The following PPFIBP1 variants were observed in gnomAD, a reference collection of about 807,000 sequenced individuals.
The protein encoded by PPFIBP1 is liprin-beta-1.
In PPFIBP1, 112 loss-of-function variants were observed where a neutral mutation model predicts 137.8. The ratio of observed to expected loss-of-function variants is 0.81; its 90% CI spans 0.70 to 0.95. PPFIBP1 has a LOEUF of 0.95. Among genes scored for constraint, PPFIBP1 ranks in the 40% least tolerant of loss-of-function variants. The probability of loss-of-function intolerance (pLI) is 0.00; values close to 1 mark genes in which losing one functional copy is unlikely to be tolerated. For missense variants in PPFIBP1, 1,083 were observed against 1,196.6 expected, an observed-to-expected ratio of 0.91 and a Z score of 1.40; for synonymous variants, 378 against 417.3, an observed-to-expected ratio of 0.91 and a Z score of 1.15.
Position 27,588,381 on chromosome 12 carries a change from A to G in PPFIBP1, c.-36+10142A>G, listed in dbSNP as rs1192995793. 2.0e-5 allele frequency among the ~76,000 whole-genome samples: 3 copies of G among 152,216 alleles called. No homozygotes were observed. In the East Asian group the frequency reaches 5.8e-4, roughly 29 times the overall value. On this transcript the variant is annotated intron_variant, in intron 2 of 29. Coordinates refer to ENST00000228425, the MANE Select transcript of PPFIBP1 (RefSeq NM_003622.4). ...ATCAATTATTAAGTTGCTGGTTGCA[A>G]TATGGTACTAACTTGATCTCTAAAG... is the stretch of plus-strand genomic sequence containing the variant.
In PPFIBP1 at chr12:27,667,228, C is replaced by T; in HGVS notation, c.1054C>T (p.Gln352Ter). ...SSSISSLLDA[Q>*]GFSDLEKSPS... The stretch of plus-strand genomic sequence containing the variant: ...TTCCATCTCCTCTTTGCTGGATGCA[C>T]AGGGTTTCAGTGATCTGGAGAAAAG... Residue 352 changes from glutamine (Q) to a stop codon, truncating the protein, a stop_gained, in exon 13 of 30, where the codon CAG (glutamine) becomes TAG (stop). Transcript: ENST00000228425. LOFTEE classifies it high-confidence loss of function. 1 of 1,613,598 alleles carries T rather than the reference C, an allele frequency of 6.2e-7. No homozygotes were observed. The highest frequency in any genetic ancestry group is 8.5e-7 in the Non-Finnish European group (1 of 1,179,738).
chr12:27,681,463 G>T, intron 21 of PPFIBP1, 83 bp from the exon 22 acceptor site: 1 of 1,443,176 alleles, frequency 6.9e-7, no homozygotes. Flanking sequence ...CATGTCTATT[G>T]AATGTATAGT....
At chr12:27,633,482 A>G (rs7965657) in intron 3 of PPFIBP1, 22 bp downstream of exon 3, 557,288 of 1,598,268 alleles carry the variant, frequency 0.35, 100,492 homozygotes, top group Middle Eastern at 0.44. Flanking sequence ...CCTGTGAAAG[A>G]CAGAATCACA....
At chr12:27,609,816 C>A (rs966360821) in intron 2 of PPFIBP1, among the ~76,000 whole-genome samples, 10 of 152,186 alleles carry the variant, frequency 6.6e-5, no homozygotes, top group Non-Finnish European at 1.2e-4. Context: ...AAACCCACTG[C>A]TCTTCACTGA....
At chr12:27,655,420 A>C (rs933608643) in intron 8 of PPFIBP1, among the ~76,000 whole-genome samples, 1 of 152,222 alleles carries the variant, frequency 6.6e-6, no homozygotes, top group African/African-American at 2.4e-5. Flanking sequence ...GAAATACATG[A>C]AATAATTGGT....
At chr12:27,526,609 A>G (rs2135698758) in intron 1 of PPFIBP1, among the ~76,000 whole-genome samples, 1 of 152,230 alleles carries the variant, frequency 6.6e-6, no homozygotes, top group South Asian at 2.1e-4. Context: ...TGAGGCACGC[A>G]GATCACCTGA....
intron 2 of PPFIBP1, among the ~76,000 whole-genome samples, chr12:27,614,502 C>T (rs2055527979): frequency 6.6e-6 from 1 of 152,204 alleles, no homozygotes; most frequent in Non-Finnish European, 1.5e-5. Context: ...ATGCTAGCCT[C>T]AGCATGTACA....
chr12:27,592,729 G>A (rs2052670178), intron 2 of PPFIBP1: 10 of 1,053,658 alleles, frequency 9.5e-6, no homozygotes, highest in Non-Finnish European at 1.5e-5. Flanking sequence ...CCTTTGGCTG[G>A]CAGTTGCCTG....
In PPFIBP1 at chr12:27,605,940, A is replaced by G. The variant is rs1308550959; in HGVS notation, c.-35-27422A>G. ...TGTCAAATTCCAAAATAAAGTTAAG[A>G]TCGTACATTAGAATCACCTAAGGCT... On this transcript the variant is annotated intron_variant, in intron 2 of 29. Transcript: ENST00000228425. 4.0e-4 allele frequency among the ~76,000 whole-genome samples: 61 copies of G among 152,174 alleles called. 2 individuals are homozygous for G. Among genetic ancestry groups the G allele is most frequent in the Non-Finnish European group, 1.5e-5 (1 of 68,036 alleles).
At chr12:27,566,925 C>T (rs2049727496) in intron 1 of PPFIBP1, among the ~76,000 whole-genome samples, 1 of 152,178 alleles carries the variant, frequency 6.6e-6, no homozygotes, top group Non-Finnish European at 1.5e-5. Flanking sequence ...TTACTAGGAT[C>T]TAAATACTAC....
intron 2 of PPFIBP1, among the ~76,000 whole-genome samples, chr12:27,621,902 T>G (rs921097618): frequency 2.0e-5 from 3 of 152,200 alleles, no homozygotes; most frequent in African/African-American, 7.2e-5. Context: ...GCTTTTATTG[T>G]TGTAATTAAA....
chr12:27,549,925 GCTGATGTTGCGTAAC>G (rs573959925), intron 1 of PPFIBP1, among the ~76,000 whole-genome samples: 1 of 152,202 alleles, frequency 6.6e-6, no homozygotes, highest in Non-Finnish European at 1.5e-5. Context: ...TCTTTCGTAA[GCTGATGTTGCGTAAC>G]CTCCCGGAGA....
At chr12:27,571,194 G>A (rs1189800859) in intron 1 of PPFIBP1, among the ~76,000 whole-genome samples, 1 of 152,134 alleles carries the variant, frequency 6.6e-6, no homozygotes, top group Non-Finnish European at 1.5e-5. Flanking sequence ...TTAATATTCT[G>A]ATGGATGTAC....
intron 27 of PPFIBP1, 134 bp downstream of exon 27, chr12:27,689,337 C>T: frequency 1.4e-6 from 1 of 712,086 alleles, no homozygotes; most frequent in Non-Finnish European, 2.2e-6. Flanking sequence ...CAGGAATCCT[C>T]AGCGCTTAGT....
chr12:27,545,814 G>C lies in PPFIBP1; in HGVS notation c.-124+21449G>C, dbSNP rs146056379. Among the ~76,000 whole-genome samples, 55 of 152,266 alleles carry C rather than the reference G, an allele frequency of 3.6e-4. No homozygotes were observed. The East Asian group carries it at 0.01, about 29-fold the overall frequency. ...AACGGTTAGTGTGTCTAAGAAATTG[G>C]TGTGCTGTTTAAAGCTTTCTCTTCT... On this transcript the variant is annotated intron_variant, in intron 1 of 29. Coordinates refer to ENST00000228425, the MANE Select transcript of PPFIBP1 (RefSeq NM_003622.4).
In PPFIBP1 at chr12:27,693,841, TA is replaced by T. The variant is rs2061669865; in HGVS notation, c.*961del. 1 of 152,154 alleles carries T rather than the reference TA, an allele frequency of 6.6e-6. No homozygotes were observed. The highest frequency in any genetic ancestry group is 1.5e-5 in the Non-Finnish European group (1 of 68,054). The allele number at this position is 152,154 out of a possible 1,614,324, so 9.4% of individuals were successfully genotyped here. ...CCAGGCATGCACCACCATGCCTGGCTAATTTTTGCATTTTTAGTAGAGACAG... is the reference window on the plus strand; with the variant it reads ...CCAGGCATGCACCACCATGCCTGGCTATTTTTGCATTTTTAGTAGAGACAG... On this transcript the variant is annotated 3_prime_UTR_variant, in exon 30 of 30. Transcript: ENST00000228425.
intron 2 of PPFIBP1, among the ~76,000 whole-genome samples, chr12:27,604,098 G>A (rs970802509): frequency 2.6e-5 from 4 of 152,162 alleles, no homozygotes; most frequent in African/African-American, 7.2e-5. Context: ...GTGGGGATGG[G>A]GTGGAAGTAA....
At chr12:27,654,695 T>G (rs368761069) in intron 7 of PPFIBP1, 27 bp from the exon 8 acceptor site, 1 of 1,602,198 alleles carries the variant, frequency 6.2e-7, no homozygotes, top group South Asian at 1.1e-5. Flanking sequence ...ACTTTCCTAA[T>G]GTACTTTCTT....
At position 27,672,459 on chromosome 12, in the gene PPFIBP1, A is replaced by T; in HGVS notation, c.1295A>T (p.Asp432Val). ...DGNIILGATV[D>V]TQLCDKLLTS... ...AACATAATCCTTGGTGCCACTGTTG[A>T]TACCCAACTGTGTGATAAACTTTTG... is the stretch of plus-strand genomic sequence containing the variant. Residue 432 changes from aspartate to valine, a missense_variant, in exon 15 of 30, where the codon GAT becomes GTT. Asp to Val is a radical substitution (Grantham distance 152). Coordinates refer to ENST00000228425, the MANE Select transcript of PPFIBP1 (RefSeq NM_003622.4). 2 of 1,609,342 alleles carry T rather than the reference A, an allele frequency of 1.2e-6. No individual in the cohort carries two copies. The highest frequency in any genetic ancestry group is 1.7e-6 in the Non-Finnish European group (2 of 1,176,102).
Sources: allele counts gnomAD v4.1 joint callset (sites outside exome capture counted in the v4.1 genomes callset), GRCh38; gene constraint gnomAD v4.1.1; transcripts MANE v1.5; gene names NCBI Gene and HGNC (gene_info 2026-07-23, HGNC 2026-07-21).